Variants in HYDIN observed in about 807,000 individuals in gnomAD.
HYDIN encodes HYDIN axonemal central pair apparatus protein.
Under a neutral mutation model 403.9 loss-of-function variants are expected in HYDIN, and 132 were observed. The observed-to-expected ratio is 0.33, with a 90% confidence interval of 0.28 to 0.38. HYDIN has a LOEUF of 0.38. HYDIN is among the 10% of genes least tolerant of loss of function. HYDIN has a pLI of 1.00. For synonymous variants in HYDIN, 1,202 were observed against 1,891.7 expected, an observed-to-expected ratio of 0.64 and a Z score of 9.46; for missense variants, 2,827 against 5,009.5, an observed-to-expected ratio of 0.56 and a Z score of 13.15.
At chr16:71,132,402 C>A (rs1233781882) in intron 8 of HYDIN, 1 of 14,820 alleles carries the variant, frequency 6.7e-5, no homozygotes, top group Non-Finnish European at 1.5e-4. Context: ...ATGAATGGAT[C>A]TTAAGCACAC....
intron 1 of HYDIN, among the ~76,000 whole-genome samples, chr16:71,218,858 A>T (rs1318883364): frequency 1.3e-5 from 2 of 152,160 alleles, no homozygotes; most frequent in Non-Finnish European, 2.9e-5. Context: ...TCTCCCACCA[A>T]AATCTTTGAG....
In HYDIN at chr16:70,938,692, T is replaced by C. The variant is rs2502726; in HGVS notation, c.6917A>G (p.Glu2306Gly). Residue 2306 changes from glutamate (E) to glycine (G), a missense_variant, in exon 44 of 86, where the codon GAA becomes GGA. Transcript: ENST00000393567. ...KERLQNMDEE[E>G]YDALTEEEKL... Reference sequence around the variant, plus strand: ...CTCCTCCTCAGTCAGGGCATCATATTCTTCCTCATCCATGTTTTGGAGACG... The same window carrying C: ...CTCCTCCTCAGTCAGGGCATCATATCCTTCCTCATCCATGTTTTGGAGACG... 0.69 allele frequency: 1,116,873 copies of C among 1,612,490 alleles called. 402,741 individuals are homozygous for C. The highest frequency in any genetic ancestry group is 0.76 in the Non-Finnish European group (891,464 of 1,178,900).
chr16:70,969,019 T>G (rs547572311), intron 36 of HYDIN, among the ~76,000 whole-genome samples: 2 of 151,916 alleles, frequency 1.3e-5, no homozygotes, highest in Non-Finnish European at 2.9e-5. Flanking sequence ...ACTCAATATG[T>G]GGGCAGAATG....
chr16:71,144,242 A>G (rs1371193077), intron 7 of HYDIN, among the ~76,000 whole-genome samples: 1 of 150,988 alleles, frequency 6.6e-6, no homozygotes, highest in African/African-American at 2.4e-5. Flanking sequence ...CTGAATAGTA[A>G]TATCTCCTTG....
intron 68 of HYDIN, among the ~76,000 whole-genome samples, 182 bp from the exon 69 acceptor site, chr16:70,862,437 G>T (rs939695287): frequency 1.7e-5 from 2 of 118,998 alleles, no homozygotes; most frequent in Non-Finnish European, 3.5e-5. Flanking sequence ...GCTTACAGGA[G>T]ACTCATGAAA....
In HYDIN at chr16:70,806,286, C is replaced by A. The variant is rs1046004121; in HGVS notation, c.*1294G>T. Among the ~76,000 whole-genome samples the A allele has an allele frequency of 6.6e-6, 1 of 152,038 alleles. No individual in the cohort carries two copies. The highest frequency in any genetic ancestry group is 6.5e-5 in the Admixed American group (1 of 15,280). On this transcript the variant is annotated 3_prime_UTR_variant, in exon 86 of 86. Coordinates refer to ENST00000393567, the MANE Select transcript of HYDIN (RefSeq NM_001270974.2). ...TGTGGTTTCAGGCATCTACTGGGCACCTTGGAATGTATCCCCTGAGGATGA... is the reference window on the plus strand; with the variant it reads ...TGTGGTTTCAGGCATCTACTGGGCAACTTGGAATGTATCCCCTGAGGATGA...
chr16:71,026,091 G>A (rs2080686803), intron 20 of HYDIN, among the ~76,000 whole-genome samples: 2 of 151,938 alleles, frequency 1.3e-5, no homozygotes, highest in South Asian at 2.1e-4. Flanking sequence ...GTAGACACGG[G>A]GTTTCTCCAT....
chr16:71,207,443 G>C (rs1164826203), intron 1 of HYDIN, among the ~76,000 whole-genome samples: 1 of 152,064 alleles, frequency 6.6e-6, no homozygotes, highest in African/African-American at 2.4e-5. Context: ...AATATAGAAA[G>C]ACCATTACCA....
intron 69 of HYDIN, 136 bp downstream of exon 69, chr16:70,861,912 G>A: frequency 1.3e-6 from 1 of 770,694 alleles, no homozygotes; most frequent in Non-Finnish European, 1.9e-6. Context: ...CTTCCAAAGG[G>A]AAAAGGGATA....
intron 52 of HYDIN, among the ~76,000 whole-genome samples, chr16:70,902,932 C>A (rs1203927821): frequency 1.4e-5 from 2 of 144,702 alleles, no homozygotes; most frequent in African/African-American, 5.2e-5. Flanking sequence ...GGGTTCTGCT[C>A]ATTTTTACCA....
In HYDIN at chr16:70,882,551, C is replaced by G. The variant is rs1278799837; in HGVS notation, c.10215+109G>C. 5.0e-6 allele frequency: 3 copies of G among 600,848 alleles called. No individual in the cohort carries two copies. The African/African-American group carries it at 5.6e-5, about 11-fold the overall frequency. The allele number at this position is 600,848 out of a possible 1,614,324, so 37.2% of individuals were successfully genotyped here. On this transcript the variant is annotated intron_variant, in intron 60 of 85. Transcript: ENST00000393567. ...TACTTCACATAACTTCCAGCAGGGC[C>G]AGATAATTTCCACTCACGCATACAG...
At chr16:71,204,449 C>G (rs772933654) in intron 1 of HYDIN, among the ~76,000 whole-genome samples, 2 of 152,216 alleles carry the variant, frequency 1.3e-5, no homozygotes, top group African/African-American at 2.4e-5. Context: ...AGCAAGTGAA[C>G]AGCAAGCTAG....
At chr16:70,866,529 T>C (rs543216401) in intron 66 of HYDIN, among the ~76,000 whole-genome samples, 200 bp from the exon 67 acceptor site, 1 of 152,070 alleles carries the variant, frequency 6.6e-6, no homozygotes, top group South Asian at 2.1e-4. Flanking sequence ...GTCATCTAGA[T>C]GAAAAATATG....
At chr16:71,071,449 T>C (rs901823808) in intron 13 of HYDIN, among the ~76,000 whole-genome samples, 4 of 151,846 alleles carry the variant, frequency 2.6e-5, no homozygotes, top group African/African-American at 9.7e-5. Context: ...TACTTTACAG[T>C]TGTAGACCTC....
chr16:71,061,832 G>A (rs1341495144), intron 17 of HYDIN, among the ~76,000 whole-genome samples: 1 of 149,452 alleles, frequency 6.7e-6, no homozygotes, highest in African/African-American at 2.5e-5. Context: ...TGATTTCAAA[G>A]GACTGGAGAG....
chr16:71,212,291 GATAAGTGTC>G (rs1329972474), intron 1 of HYDIN, among the ~76,000 whole-genome samples: 6 of 152,134 alleles, frequency 3.9e-5, no homozygotes, highest in African/African-American at 1.4e-4. Context: ...GTATATAAGG[GATAAGTGTC>G]ATGATATCTC....
intron 1 of HYDIN, among the ~76,000 whole-genome samples, chr16:71,195,783 A>G (rs918364211): frequency 6.6e-6 from 1 of 152,228 alleles, no homozygotes; most frequent in Non-Finnish European, 1.5e-5. Flanking sequence ...GATTCCATTA[A>G]GAATTCACTT....
intron 10 of HYDIN, among the ~76,000 whole-genome samples, chr16:71,102,525 A>ATTTGCATT (rs1252638309): frequency 2.6e-5 from 4 of 151,388 alleles, no homozygotes; most frequent in Non-Finnish European, 4.4e-5. Context: ...TCATTATCTA[A>ATTTGCATT]ATGAAAACAA....
At chr16:70,841,768 T>C (rs1197047823) in intron 75 of HYDIN, among the ~76,000 whole-genome samples, 2 of 152,050 alleles carry the variant, frequency 1.3e-5, no homozygotes, top group African/African-American at 2.4e-5. Context: ...CCTTTCATCA[T>C]GTGATGCCAT....
Sources: allele counts gnomAD v4.1 joint callset (sites outside exome capture counted in the v4.1 genomes callset), GRCh38; gene constraint gnomAD v4.1.1; transcripts MANE v1.5; gene names NCBI Gene and HGNC (gene_info 2026-07-23, HGNC 2026-07-21).